The following MBNL1 variants were observed in gnomAD, a reference collection of about 807,000 sequenced individuals.
MBNL1 encodes the protein muscleblind like splicing regulator 1.
Under a neutral mutation model 42.2 loss-of-function variants are expected in MBNL1, and 8 were observed. The observed-to-expected ratio is 0.19, with a 90% confidence interval of 0.11 to 0.34. The LOEUF is 0.34. Among genes scored for constraint, MBNL1 ranks in the 10% least tolerant of loss-of-function variants. The pLI, the probability that MBNL1 is intolerant of heterozygous loss-of-function variation, is 1.00. For synonymous variants in MBNL1, 169 were observed against 173.9 expected, an observed-to-expected ratio of 0.97 and a Z score of 0.22; for missense variants, 309 against 495.3, an observed-to-expected ratio of 0.62 and a Z score of 3.57.
At chr3:152,377,060 G>A (rs1560356445) in intron 2 of MBNL1, among the ~76,000 whole-genome samples, 1 of 152,182 alleles carries the variant, frequency 6.6e-6, no homozygotes, top group Admixed American at 6.6e-5. Flanking sequence ...CTGTGGCAGT[G>A]AGGATAATAC....
intron 2 of MBNL1, among the ~76,000 whole-genome samples, chr3:152,318,585 T>C (rs1412237887): frequency 1.3e-5 from 2 of 152,200 alleles, no homozygotes; most frequent in African/African-American, 4.8e-5. Flanking sequence ...TGATGGAGAA[T>C]CATTTGTTTG....
At chr3:152,462,090 T>A (rs1173225590) in intron 9 of MBNL1, among the ~76,000 whole-genome samples, 1 of 152,144 alleles carries the variant, frequency 6.6e-6, no homozygotes, top group Non-Finnish European at 1.5e-5. Flanking sequence ...AAAAAAGAGC[T>A]CTGTATATTA....
At chr3:152,306,046 G>A (rs552233929) in intron 2 of MBNL1, among the ~76,000 whole-genome samples, 132 of 152,284 alleles carry the variant, frequency 8.7e-4, no homozygotes, top group Non-Finnish European at 1.7e-3. Context: ...TTGGTTGACA[G>A]GCTGTTTGTC....
intron 3 of MBNL1, among the ~76,000 whole-genome samples, chr3:152,419,825 C>T (rs1195294356): frequency 6.6e-6 from 1 of 152,160 alleles, no homozygotes; most frequent in Non-Finnish European, 1.5e-5. Context: ...CTCAGCGGAC[C>T]CCACCCCCAT....
intron 2 of MBNL1, among the ~76,000 whole-genome samples, chr3:152,348,104 A>G (rs2094505825): frequency 6.6e-6 from 1 of 152,116 alleles, no homozygotes. Context: ...CAGTTTTGAG[A>G]ATGATAGTTC....
In MBNL1 at chr3:152,278,840, G is replaced by T. The variant is rs377094647; in HGVS notation, c.-790+9748G>T. 2.5e-4 allele frequency among the ~76,000 whole-genome samples: 38 copies of T among 152,252 alleles called. No individual in the cohort carries two copies. The South Asian group carries it at 7.9e-3, about 32-fold the overall frequency. On this transcript the variant is annotated intron_variant, in intron 1 of 9. Transcript: ENST00000324210. ...GTCAAAGGATTGTAGTAGGTCACAA[G>T]AGGGAGATCGAAAGTATAATTACAT...
At chr3:152,370,790 G>A (rs1006807898) in intron 2 of MBNL1, among the ~76,000 whole-genome samples, 2 of 150,740 alleles carry the variant, frequency 1.3e-5, no homozygotes, top group East Asian at 3.9e-4. Context: ...TTGGTTTAAA[G>A]TCTGTTTTAT....
intron 2 of MBNL1, among the ~76,000 whole-genome samples, chr3:152,394,886 GT>G (rs2097860236): frequency 6.6e-6 from 1 of 152,132 alleles, no homozygotes; most frequent in Non-Finnish European, 1.5e-5. Context: ...CCGAGAGGGA[GT>G]CTCACTCTAT....
upstream of MBNL1, chr3:152,265,372 ATTTG>A (rs1183377942): frequency 7.0e-6 from 1 of 142,480 alleles, no homozygotes; most frequent in Non-Finnish European, 1.5e-5. Context: ...TATTTAGGTG[ATTTG>A]TTTGTGTGAG....
intron 1 of MBNL1, among the ~76,000 whole-genome samples, chr3:152,277,986 C>G (rs899488427): frequency 2.6e-4 from 39 of 151,972 alleles, no homozygotes; most frequent in African/African-American, 9.4e-4. Context: ...ATGTGAAAGT[C>G]ACACTTATTA....
At chr3:152,411,818 T>C (rs2098584603) in intron 2 of MBNL1, among the ~76,000 whole-genome samples, 1 of 152,232 alleles carries the variant, frequency 6.6e-6, no homozygotes, top group Non-Finnish European at 1.5e-5. Context: ...TTTTCTTTTA[T>C]GTGGCTAGCT....
chr3:152,429,974 C>T (rs1288902102), intron 3 of MBNL1, among the ~76,000 whole-genome samples: 6 of 152,142 alleles, frequency 3.9e-5, no homozygotes, highest in Non-Finnish European at 7.3e-5. Context: ...ACGCTCCTAC[C>T]GACTTTACTT....
intron 1 of MBNL1, among the ~76,000 whole-genome samples, chr3:152,285,418 C>A (rs1220515901): frequency 1.3e-5 from 2 of 152,092 alleles, no homozygotes; most frequent in African/African-American, 4.8e-5. Context: ...ACCATGCAAG[C>A]CTCGCCTCAA....
chr3:152,343,553 C>T (rs73869993), intron 2 of MBNL1, among the ~76,000 whole-genome samples: 2,433 of 152,126 alleles, frequency 0.016, 69 homozygotes, highest in African/African-American at 0.056. Flanking sequence ...GATCCAGAAA[C>T]GGTACAGAAG....
intron 2 of MBNL1, among the ~76,000 whole-genome samples, chr3:152,332,739 T>TGTGTGCGCGCGC (rs1256022678): frequency 1.1e-4 from 13 of 115,700 alleles, no homozygotes; most frequent in Non-Finnish European, 1.3e-4. Context: ...TGTGTGTGTG[T>TGTGTGCGCGCGC]GCGCGCGCGC....
chr3:152,302,477 T>TA (rs376474099), intron 2 of MBNL1: 3 of 152,188 alleles, frequency 2.0e-5, no homozygotes, highest in African/African-American at 7.2e-5. Context: ...GCATTTATGT[T>TA]AAAAAACATG....
At chr3:152,287,572 G>T (rs1393685977) in intron 1 of MBNL1, among the ~76,000 whole-genome samples, 1 of 152,134 alleles carries the variant, frequency 6.6e-6, no homozygotes, top group African/African-American at 2.4e-5. Flanking sequence ...ATCCTCAGTA[G>T]GTCTAGGGTA....
chr3:152,297,025 G>T (rs2058797172), intron 1 of MBNL1, among the ~76,000 whole-genome samples: 1 of 152,142 alleles, frequency 6.6e-6, no homozygotes, highest in Non-Finnish European at 1.5e-5. Context: ...GGATAGAGAT[G>T]GGGATAATGA....
At chr3:152,392,355 T>C (rs1297110441) in intron 2 of MBNL1, among the ~76,000 whole-genome samples, 2 of 152,224 alleles carry the variant, frequency 1.3e-5, no homozygotes, top group African/African-American at 2.4e-5. Flanking sequence ...AAAATTGATA[T>C]TAAAACCATT....
Sources: allele counts gnomAD v4.1 joint callset (sites outside exome capture counted in the v4.1 genomes callset), GRCh38; gene constraint gnomAD v4.1.1; transcripts MANE v1.5; gene names NCBI Gene and HGNC (gene_info 2026-07-23, HGNC 2026-07-21).